The following ETV6 variants were observed in gnomAD, a reference collection of about 807,000 sequenced individuals.
ETV6 encodes the protein ETS variant transcription factor 6, also known as transcription factor ETV6.
ETV6 carries 16 observed loss-of-function variants against 51.1 expected under a neutral mutation model. The ratio of observed to expected loss-of-function variants is 0.31; its 90% CI spans 0.21 to 0.48. The LOEUF (loss-of-function observed/expected upper bound fraction) is 0.48, where lower values mean the gene tolerates loss of function less well. Among genes scored for constraint, ETV6 ranks in the 20% least tolerant of loss-of-function variants. The pLI is 0.99. For missense variants in ETV6, 458 were observed against 594.8 expected (o/e 0.77, Z 2.39); for synonymous variants, 240 against 224.1 (o/e 1.07, Z -0.64).
At chr12:11,775,643 G>C (rs1945311825) in intron 2 of ETV6, among the ~76,000 whole-genome samples, 1 of 152,152 alleles carries the variant, frequency 6.6e-6, no homozygotes, top group South Asian at 2.1e-4. Flanking sequence ...GTGTGCAGAA[G>C]GCGCCATCAC....
At chr12:11,684,623 C>A (rs903040586) in intron 1 of ETV6, among the ~76,000 whole-genome samples, 4 of 152,216 alleles carry the variant, frequency 2.6e-5, no homozygotes, top group Non-Finnish European at 5.9e-5. Flanking sequence ...CCTTCCCCTT[C>A]CCTATTATTT....
intron 6 of ETV6, among the ~76,000 whole-genome samples, chr12:11,885,591 G>T (rs1591750215): frequency 6.6e-6 from 1 of 152,250 alleles, no homozygotes; most frequent in South Asian, 2.1e-4. Flanking sequence ...GGGGGAACCT[G>T]CAGGAAATTC....
chr12:11,847,454 C>T (rs554730966), intron 3 of ETV6, among the ~76,000 whole-genome samples: 1 of 152,184 alleles, frequency 6.6e-6, no homozygotes, highest in African/African-American at 2.4e-5. Flanking sequence ...TGAGGTTGCC[C>T]AAGAAGAAGG....
chr12:11,680,414 G>C (rs373077117), intron 1 of ETV6, among the ~76,000 whole-genome samples: 14 of 152,214 alleles, frequency 9.2e-5, no homozygotes, highest in African/African-American at 3.4e-4. Context: ...GGTTTTGTTT[G>C]AGAACCTCTT....
At chr12:11,768,972 G>C (rs754904021) in intron 2 of ETV6, 9 of 479,742 alleles carry the variant, frequency 1.9e-5, no homozygotes, top group South Asian at 6.0e-5. Flanking sequence ...TGTTTAACAA[G>C]GATTGATTGA....
At chr12:11,858,035 T>TA (rs777155242) in intron 4 of ETV6, among the ~76,000 whole-genome samples, 40 of 152,228 alleles carry the variant, frequency 2.6e-4, no homozygotes, top group Admixed American at 8.5e-4. Flanking sequence ...TCTTTCCTCA[T>TA]TTGTCTCACC....
intron 2 of ETV6, among the ~76,000 whole-genome samples, chr12:11,763,612 T>C (rs1196790577): frequency 6.6e-6 from 1 of 152,254 alleles, no homozygotes; most frequent in African/African-American, 2.4e-5. Context: ...TGAATCCAAG[T>C]GTGTGTGCAC....
intron 1 of ETV6, among the ~76,000 whole-genome samples, chr12:11,688,336 C>T (rs1264000525): frequency 6.6e-6 from 1 of 152,176 alleles, no homozygotes; most frequent in African/African-American, 2.4e-5. Context: ...GGAGAACCAG[C>T]GAATGAACTT....
At chr12:11,761,450 C>T (rs1184622050) in intron 2 of ETV6, among the ~76,000 whole-genome samples, 1 of 152,110 alleles carries the variant, frequency 6.6e-6, no homozygotes, top group Non-Finnish European at 1.5e-5. Context: ...TATTATTTTC[C>T]ATCTTTTTTA....
At chr12:11,814,550 T>G (rs1393926020) in intron 2 of ETV6, among the ~76,000 whole-genome samples, 1 of 152,150 alleles carries the variant, frequency 6.6e-6, no homozygotes, top group African/African-American at 2.4e-5. Flanking sequence ...CAGCTGTGTG[T>G]GTTGTGAGTC....
intron 5 of ETV6, among the ~76,000 whole-genome samples, chr12:11,881,754 A>G (rs1054379794): frequency 2.6e-5 from 4 of 152,258 alleles, no homozygotes; most frequent in Admixed American, 6.5e-5. Context: ...TTATAGAGAA[A>G]GTAATTCAAG....
At chr12:11,796,016 T>A (rs1263303372) in intron 2 of ETV6, among the ~76,000 whole-genome samples, 2 of 152,206 alleles carry the variant, frequency 1.3e-5, no homozygotes, top group African/African-American at 4.8e-5. Context: ...GAATTTGATC[T>A]GAGTGGTCAC....
chr12:11,700,889 A>T (rs1359781745), intron 1 of ETV6, among the ~76,000 whole-genome samples: 1 of 152,046 alleles, frequency 6.6e-6, no homozygotes, highest in African/African-American at 2.4e-5. Context: ...CAGCTCAAAC[A>T]TGCTGTTCGA....
intron 2 of ETV6, among the ~76,000 whole-genome samples, chr12:11,831,696 T>G (rs551135016): frequency 6.6e-6 from 1 of 152,278 alleles, no homozygotes; most frequent in Non-Finnish European, 1.5e-5. Flanking sequence ...TTATTACATA[T>G]GTACACATAC....
rs1380878699 is a variant in ETV6 at position 11,893,540 on chromosome 12, C to T, written c.*2494C>T. 1 of 231,734 alleles carries T rather than the reference C, an allele frequency of 4.3e-6. No individual in the cohort carries two copies. The highest frequency in any genetic ancestry group is 8.5e-6 in the Non-Finnish European group (1 of 117,264). The allele number at this position is 231,734 out of a possible 1,614,324, so 14.4% of individuals were successfully genotyped here. On this transcript the variant is annotated 3_prime_UTR_variant, in exon 8 of 8. Coordinates refer to ENST00000396373, the MANE Select transcript of ETV6 (RefSeq NM_001987.5). ...TCCCATTCAGATACAGGTTGAGCAT[C>T]CCTAATCTGAACAGTTAAAACCCCC...
chr12:11,737,007 T>G (rs1419158254), intron 1 of ETV6, among the ~76,000 whole-genome samples: 1 of 152,172 alleles, frequency 6.6e-6, no homozygotes, highest in African/African-American at 2.4e-5. Flanking sequence ...TGCAGAGTTT[T>G]GATGATAACC....
At chr12:11,727,297 C>T (rs568996191) in intron 1 of ETV6, among the ~76,000 whole-genome samples, 1 of 152,250 alleles carries the variant, frequency 6.6e-6, no homozygotes, top group South Asian at 2.1e-4. Flanking sequence ...CCCGGCATCC[C>T]GCAGGCGGGC....
At chr12:11,844,850 TTA>T (rs1463938143) in intron 3 of ETV6, among the ~76,000 whole-genome samples, 1 of 152,062 alleles carries the variant, frequency 6.6e-6, no homozygotes, top group Non-Finnish European at 1.5e-5. Flanking sequence ...TTTTTTTTTT[TTA>T]GATGGATTCT....
intron 2 of ETV6, among the ~76,000 whole-genome samples, chr12:11,774,247 T>G (rs1482142730): frequency 1.3e-5 from 2 of 152,216 alleles, no homozygotes; most frequent in Admixed American, 1.3e-4. Flanking sequence ...AGGTCCACGG[T>G]TGAGCAATGT....
Sources: gnomAD v4.1 joint callset for allele counts (sites outside exome capture counted in the v4.1 genomes callset) on GRCh38, gnomAD v4.1.1 for gene constraint, MANE v1.5 for transcripts, NCBI Gene and HGNC (gene_info 2026-07-23, HGNC 2026-07-21) for gene names.